Variants in N4BP2L2 observed in about 807,000 individuals in gnomAD.
N4BP2L2 encodes NEDD4-binding protein 2-like 2.
Under a neutral mutation model 56.2 loss-of-function variants are expected in N4BP2L2, and 50 were observed. That is an observed-to-expected ratio of 0.89 (90% CI 0.71 to 1.13). N4BP2L2 has a LOEUF of 1.13. Among genes scored for constraint, N4BP2L2 ranks in the 50% most tolerant of loss-of-function variants. The probability of loss-of-function intolerance (pLI) is 0.00; values close to 1 mark genes in which losing one functional copy is unlikely to be tolerated. For synonymous variants in N4BP2L2, 203 were observed against 223.6 expected, an observed-to-expected ratio of 0.91 and a Z score of 0.82; for missense variants, 689 against 693.8, an observed-to-expected ratio of 0.99 and a Z score of 0.08.
intron 6 of N4BP2L2, among the ~76,000 whole-genome samples, chr13:32,474,743 A>G (rs1479864745): frequency 6.6e-6 from 1 of 152,192 alleles, no homozygotes; most frequent in East Asian, 1.9e-4. Context: ...ACCATGTGAT[A>G]AAAGAGCTAG....
At chr13:32,462,180 T>A (rs1397484432) in intron 6 of N4BP2L2, among the ~76,000 whole-genome samples, 1 of 152,094 alleles carries the variant, frequency 6.6e-6, no homozygotes, top group Non-Finnish European at 1.5e-5. Context: ...AGCAAAAACA[T>A]GGAATCAACC....
chr13:32,441,455 G>A (rs1230576910), intron 7 of N4BP2L2, among the ~76,000 whole-genome samples: 2 of 151,764 alleles, frequency 1.3e-5, no homozygotes, highest in East Asian at 1.9e-4. Flanking sequence ...AGGCTGAGGC[G>A]GGTAGATCAC....
chr13:32,465,628 T>C (rs370032895), intron 6 of N4BP2L2, among the ~76,000 whole-genome samples: 3 of 152,336 alleles, frequency 2.0e-5, no homozygotes, highest in African/African-American at 7.2e-5. Context: ...ATAATGCATA[T>C]ATAAAATGGA....
At chr13:32,433,777 A>C (rs1299442049) in intron 9 of N4BP2L2, among the ~76,000 whole-genome samples, 1 of 151,384 alleles carries the variant, frequency 6.6e-6, no homozygotes, top group Non-Finnish European at 1.5e-5. Flanking sequence ...ATACAAAAAA[A>C]AAAATTAGCT....
intron 6 of N4BP2L2, among the ~76,000 whole-genome samples, chr13:32,484,071 A>G (rs1026020595): frequency 2.6e-5 from 4 of 151,984 alleles, no homozygotes; most frequent in Non-Finnish European, 5.9e-5. Flanking sequence ...GCACTTCAGG[A>G]GGCCAAGGCA....
chr13:32,442,698 G>T, exon 7 of N4BP2L2: 1 of 1,613,636 alleles, frequency 6.2e-7, no homozygotes, highest in Non-Finnish European at 8.5e-7. Context: ...ACAGTTTCTT[G>T]TTTGTAAAAG....
chr13:32,472,780 C>T (rs1370464943), intron 6 of N4BP2L2, among the ~76,000 whole-genome samples: 1 of 152,124 alleles, frequency 6.6e-6, no homozygotes, highest in Non-Finnish European at 1.5e-5. Context: ...GTGAAAATAG[C>T]CTGGCAGACA....
intron 6 of N4BP2L2, among the ~76,000 whole-genome samples, chr13:32,498,460 C>A (rs1219527498): frequency 1.3e-5 from 2 of 152,064 alleles, no homozygotes; most frequent in African/African-American, 4.8e-5. Context: ...GATTCTCGTG[C>A]CTCAGCCGAA....
At chr13:32,506,787 A>T (rs765381178), downstream of N4BP2L2, 9 of 152,178 alleles carry the variant, frequency 5.9e-5, no homozygotes, top group Non-Finnish European at 1.3e-4. Context: ...TGAGAAAAAT[A>T]ATTTAAAAAA....
At chr13:32,536,233 C>T (rs199515512) in exon 2 of N4BP2L2, 1 of 1,613,778 alleles carries the variant, frequency 6.2e-7, no homozygotes, top group African/African-American at 1.3e-5. Flanking sequence ...GCCATTCAGG[C>T]CTGAAAGAAG....
chr13:32,450,604 G>A (rs568429406), intron 6 of N4BP2L2, among the ~76,000 whole-genome samples: 6 of 150,392 alleles, frequency 4.0e-5, no homozygotes, highest in Admixed American at 1.3e-4. Context: ...GATTAGAGGC[G>A]TGAGCCACTG....
At chr13:32,470,881 T>C (rs2082166796) in intron 6 of N4BP2L2, among the ~76,000 whole-genome samples, 1 of 152,230 alleles carries the variant, frequency 6.6e-6, no homozygotes, top group South Asian at 2.1e-4. Flanking sequence ...AAGCCTTCAC[T>C]GTTAGGAAGA....
intron 6 of N4BP2L2, among the ~76,000 whole-genome samples, chr13:32,492,273 A>ATTTTTTTTTTTTTTTTTTT (rs72053635): frequency 1.4e-5 from 1 of 72,124 alleles, no homozygotes; most frequent in African/African-American, 5.7e-5. Context: ...AAACACCAAA[A>ATTTTTTTTTTTTTTTTTTT]TTTTTTTTTT....
chr13:32,459,395 C>A (rs764484420), intron 6 of N4BP2L2, among the ~76,000 whole-genome samples: 1 of 151,596 alleles, frequency 6.6e-6, no homozygotes, highest in Non-Finnish European at 1.5e-5. Flanking sequence ...CTAAACTAAC[C>A]AAGGAAAAAG....
chr13:32,496,533 C>G (rs972198266), intron 6 of N4BP2L2, among the ~76,000 whole-genome samples: 2 of 152,186 alleles, frequency 1.3e-5, no homozygotes, highest in African/African-American at 4.8e-5. Flanking sequence ...CATGATTTCT[C>G]TTTTCCTCCC....
At chr13:32,473,439 A>G (rs1373582407) in intron 6 of N4BP2L2, among the ~76,000 whole-genome samples, 2 of 152,218 alleles carry the variant, frequency 1.3e-5, no homozygotes, top group Non-Finnish European at 2.9e-5. Context: ...TGGGGAGAAA[A>G]AAAATAAAGC....
At chr13:32,488,657 T>G (rs1254576991) in intron 6 of N4BP2L2, among the ~76,000 whole-genome samples, 1 of 152,246 alleles carries the variant, frequency 6.6e-6, no homozygotes, top group African/African-American at 2.4e-5. Flanking sequence ...CATATGTGCA[T>G]ATACATGTTT....
chr13:32,475,893 C>T (rs920193128), intron 6 of N4BP2L2, among the ~76,000 whole-genome samples: 34 of 151,944 alleles, frequency 2.2e-4, no homozygotes, highest in Non-Finnish European at 3.4e-4. Context: ...AAGAAAAATA[C>T]GGCAAAGGGA....
At chr13:32,460,638 T>A (rs1176193202) in intron 6 of N4BP2L2, among the ~76,000 whole-genome samples, 2 of 152,078 alleles carry the variant, frequency 1.3e-5, no homozygotes, top group Non-Finnish European at 2.9e-5. Context: ...AACTTAATAC[T>A]ATTAAAATGA....
Sources: allele counts gnomAD v4.1 joint callset (sites outside exome capture counted in the v4.1 genomes callset), GRCh38; gene constraint gnomAD v4.1.1; transcripts MANE v1.5; gene names NCBI Gene and HGNC (gene_info 2026-07-23, HGNC 2026-07-21).